The following VPS45 variants were observed in gnomAD, a reference collection of about 807,000 sequenced individuals.
The protein encoded by VPS45 is vacuolar protein sorting 45 homolog.
A neutral mutation model predicts 75.9 loss-of-function variants in VPS45; 35 were observed. The ratio of observed to expected loss-of-function variants is 0.46; its 90% CI spans 0.35 to 0.61. VPS45 has a LOEUF of 0.61. Ranked by LOEUF, VPS45 falls within the 20% of genes least tolerant of loss-of-function variation. The pLI is 0.00. For synonymous variants in VPS45, 220 were observed against 238.2 expected, an observed-to-expected ratio of 0.92 and a Z score of 0.70; for missense variants, 559 against 685.9, an observed-to-expected ratio of 0.81 and a Z score of 2.07.
rs1553798150 is a variant in VPS45 at position 150,076,678 on chromosome 1, A to G, written c.370-238A>G. On this transcript the variant is annotated intron_variant, in intron 4 of 14. Transcript: ENST00000644510. ...ATGCATAGAGGTCTCCAGAAATATA[A>G]TGTGTATAACCTTACAACCTTTATT... The G allele has an allele frequency of 5.3e-6, 3 of 565,658 alleles. No individual in the cohort carries two copies. The South Asian group carries it at 6.9e-5, about 13-fold the overall frequency. 35.0% of individuals were successfully genotyped at this position (565,658 alleles called of 1,614,324 possible).
At chr1:150,100,409 A>G (rs1553803998) in intron 13 of VPS45, among the ~76,000 whole-genome samples, 1 of 152,244 alleles carries the variant, frequency 6.6e-6, no homozygotes, top group East Asian at 1.9e-4. Context: ...TATACTGCCC[A>G]AAGCAGTTTA....
rs113303747 is a variant in VPS45 at position 150,124,231 on chromosome 1, C to T, written c.1625+13604C>T. On this transcript the variant is annotated intron_variant, in intron 14 of 14. Coordinates refer to ENST00000644510, the MANE Select transcript of VPS45 (RefSeq NM_007259.5). ...ATCCCAGCACTTTGGGAGGCCGAGGCGGGTGGATCACGAGGTCTGGAGTTC... is the reference window on the plus strand; with the variant it reads ...ATCCCAGCACTTTGGGAGGCCGAGGTGGGTGGATCACGAGGTCTGGAGTTC... Among the ~76,000 whole-genome samples the T allele has an allele frequency of 1.8e-4, 27 of 152,148 alleles. 1 individual carries two copies. Among genetic ancestry groups the T allele is most frequent in the African/African-American group, 5.1e-4 (21 of 41,522 alleles).
At chr1:150,118,751 G>A (rs1301743209) in intron 14 of VPS45, among the ~76,000 whole-genome samples, 2 of 152,204 alleles carry the variant, frequency 1.3e-5, no homozygotes, top group Non-Finnish European at 1.5e-5. Flanking sequence ...AGGCAGTCCT[G>A]CGAAGGCCTT....
intron 7 of VPS45, among the ~76,000 whole-genome samples, chr1:150,079,411 T>C (rs587770459): frequency 6.6e-6 from 1 of 152,216 alleles, no homozygotes; most frequent in Non-Finnish European, 1.5e-5. Flanking sequence ...TGATTTTGTA[T>C]GTGTGTATGT....
intron 14 of VPS45, among the ~76,000 whole-genome samples, chr1:150,113,611 A>AT (rs1347974957): frequency 4.6e-5 from 7 of 152,152 alleles, no homozygotes; most frequent in African/African-American, 1.7e-4. Flanking sequence ...AAAAGAAGAA[A>AT]TAAGCCAGGC....
intron 14 of VPS45, among the ~76,000 whole-genome samples, chr1:150,116,329 C>T (rs984954819): frequency 4.6e-5 from 7 of 152,142 alleles, no homozygotes; most frequent in Admixed American, 3.3e-4. Flanking sequence ...TTTCAAGTGT[C>T]TCCCTTTGCT....
In VPS45 at chr1:150,099,913, C is replaced by G. The variant is rs143991347; in HGVS notation, c.1493+6265C>G. On this transcript the variant is annotated intron_variant, in intron 13 of 14. Transcript: ENST00000644510. ...TGAATGGGCAAAAGCTGGAAGCATT[C>G]CCCTTGAAAACCAGCACAAGACAAG... Among the ~76,000 whole-genome samples, 1,300 of 151,704 alleles carry G rather than the reference C, an allele frequency of 8.6e-3. 20 individuals carry two copies. The highest frequency in any genetic ancestry group is 0.03 in the African/African-American group (1,256 of 41,342).
chr1:150,092,837 C>CT (rs11451750), intron 12 of VPS45, among the ~76,000 whole-genome samples: 17,674 of 94,102 alleles, frequency 0.19, 3,375 homozygotes, highest in African/African-American at 0.4. Flanking sequence ...GCTAGCCTTT[C>CT]TTTTTTTTTT....
intron 14 of VPS45, among the ~76,000 whole-genome samples, chr1:150,135,517 C>T (rs587636944): frequency 5.3e-5 from 8 of 152,142 alleles, no homozygotes; most frequent in East Asian, 1.9e-4. Context: ...CCACCCTCCT[C>T]GGCCTCCCAA....
At position 150,082,853 on chromosome 1, in the gene VPS45, C is replaced by T; in HGVS notation, c.1074C>T (p.Ala358=). The change falls in exon 10 of 15, where the codon GCC becomes GCT. Residue 358 remains alanine, a synonymous_variant. Coordinates refer to ENST00000644510, the MANE Select transcript of VPS45 (RefSeq NM_007259.5). ...LEVSEVEQEL[A]CQNDHSSALQ... is the part of the protein sequence containing the mutation. ...TTTCAGAGGTTGAGCAAGAACTGGC[C>T]TGTCAAAATGACCATTCTAGTGCTC... 2 of 1,614,134 alleles carry T rather than the reference C, an allele frequency of 1.2e-6. No individual in the cohort carries two copies. The highest frequency in any genetic ancestry group is 1.7e-6 in the Non-Finnish European group (2 of 1,179,998).
chr1:150,141,133 C>T (rs1309494607), intron 14 of VPS45, among the ~76,000 whole-genome samples: 2 of 152,206 alleles, frequency 1.3e-5, no homozygotes, highest in Middle Eastern at 3.2e-3. Flanking sequence ...CACTCCCATA[C>T]TCCTAACTTC....
intron 14 of VPS45, among the ~76,000 whole-genome samples, chr1:150,139,374 CT>C (rs1659265966): frequency 6.6e-6 from 1 of 152,164 alleles, no homozygotes; most frequent in Non-Finnish European, 1.5e-5. Flanking sequence ...GCCTTGATCC[CT>C]TTGCACTTGC....
intron 10 of VPS45, among the ~76,000 whole-genome samples, chr1:150,089,098 A>G (rs1031179416): frequency 1.3e-5 from 2 of 152,222 alleles, no homozygotes; most frequent in African/African-American, 4.8e-5. Flanking sequence ...AGAAACAGCC[A>G]AGAGTCAAGA....
At chr1:150,081,743 C>G in intron 8 of VPS45, 141 bp from the exon 9 acceptor site, 2 of 651,680 alleles carry the variant, frequency 3.1e-6, no homozygotes, top group Middle Eastern at 3.3e-4. Flanking sequence ...CAACAGTGTC[C>G]CAGCTAATGT....
upstream of VPS45, chr1:150,067,643 C>T (rs587663220): frequency 5.5e-6 from 3 of 541,762 alleles, no homozygotes; most frequent in South Asian, 7.7e-5. Context: ...GGCAGCGGCC[C>T]AGGCCGTCTC....
At chr1:150,086,971 C>CAAAA (rs1553800822) in intron 10 of VPS45, among the ~76,000 whole-genome samples, 98 of 149,370 alleles carry the variant, frequency 6.6e-4, no homozygotes, top group Non-Finnish European at 8.9e-4. Flanking sequence ...TAAACTAAAA[C>CAAAA]AAAAAAAAAG....
intron 12 of VPS45, among the ~76,000 whole-genome samples, chr1:150,092,745 G>GA (rs1656398042): frequency 6.6e-6 from 1 of 151,190 alleles, no homozygotes; most frequent in Non-Finnish European, 1.5e-5. Flanking sequence ...CTCTTTGAAG[G>GA]AAATTAAAGA....
intron 13 of VPS45, chr1:150,109,111 A>G (rs1657499132): frequency 6.6e-6 from 1 of 152,094 alleles, no homozygotes. Flanking sequence ...GGCTCACTGC[A>G]ACTTTCACCT....
chr1:150,099,284 C>T (rs782064789), intron 13 of VPS45, among the ~76,000 whole-genome samples: 3 of 151,582 alleles, frequency 2.0e-5, no homozygotes, highest in Middle Eastern at 3.2e-3. Flanking sequence ...GATCAGAGGT[C>T]GGGAGTTCAA....
Sources: gnomAD v4.1 joint callset for allele counts (sites outside exome capture counted in the v4.1 genomes callset) on GRCh38, gnomAD v4.1.1 for gene constraint, MANE v1.5 for transcripts, NCBI Gene and HGNC (gene_info 2026-07-23, HGNC 2026-07-21) for gene names.